The following SSH2 variants were observed in gnomAD, a reference collection of about 807,000 sequenced individuals.
The protein encoded by SSH2 is slingshot protein phosphatase 2.
In SSH2, 37 loss-of-function variants were observed where a neutral mutation model predicts 135.2. The observed-to-expected ratio is 0.27, with a 90% CI of 0.21 to 0.36. The LOEUF (loss-of-function observed/expected upper bound fraction) is 0.36, where lower values mean the gene tolerates loss of function less well. Among genes scored for constraint, SSH2 ranks in the 10% least tolerant of loss-of-function variants. SSH2 has a pLI of 1.00. For synonymous variants in SSH2, 628 were observed against 646.2 expected (o/e 0.97, Z 0.43); for missense variants, 1,408 against 1,765.3 (o/e 0.80, Z 3.63).
chr17:29,909,663 A>T (rs1248184347), intron 1 of SSH2, among the ~76,000 whole-genome samples: 1 of 152,222 alleles, frequency 6.6e-6, no homozygotes, highest in Non-Finnish European at 1.5e-5. Flanking sequence ...ATTCTTAGGA[A>T]TTCCCAAATA....
chr17:29,888,971 A>G (rs2066295274), intron 1 of SSH2, among the ~76,000 whole-genome samples: 2 of 150,984 alleles, frequency 1.3e-5, no homozygotes, highest in South Asian at 2.1e-4. Context: ...AAGAAAAGAA[A>G]AAAAGACTAC....
chr17:29,687,210 G>A (rs1247509338), intron 5 of SSH2, among the ~76,000 whole-genome samples: 5 of 152,072 alleles, frequency 3.3e-5, no homozygotes, highest in South Asian at 2.1e-4. Context: ...ATAGTTACAC[G>A]GCTCAAATGA....
chr17:29,875,435 T>C (rs1366905367), intron 1 of SSH2, among the ~76,000 whole-genome samples: 14 of 152,180 alleles, frequency 9.2e-5, no homozygotes. Context: ...TCACCTCTTA[T>C]CTGCAATTGC....
chr17:29,846,654 T>C (rs545075043), intron 2 of SSH2, among the ~76,000 whole-genome samples: 2 of 152,336 alleles, frequency 1.3e-5, no homozygotes, highest in South Asian at 4.1e-4. Flanking sequence ...CTGAATGAAA[T>C]GCAGTTGTGT....
intron 1 of SSH2, among the ~76,000 whole-genome samples, chr17:29,889,355 A>T (rs1359617718): frequency 6.6e-6 from 1 of 152,196 alleles, no homozygotes; most frequent in Non-Finnish European, 1.5e-5. Flanking sequence ...CTGAGGCAGA[A>T]GAATTGCTTG....
chr17:29,867,874 A>C (rs560582461), intron 1 of SSH2, among the ~76,000 whole-genome samples: 2 of 152,360 alleles, frequency 1.3e-5, no homozygotes, highest in East Asian at 3.9e-4. Context: ...ATTGATATCA[A>C]GGAAGGCTAG....
intron 4 of SSH2, among the ~76,000 whole-genome samples, chr17:29,696,585 C>T (rs1030705417): frequency 4.3e-5 from 6 of 139,394 alleles, no homozygotes; most frequent in East Asian, 2.3e-4. Flanking sequence ...GGCGACACAG[C>T]GAGACTCTGT....
rs2066220442 is a variant in SSH2, at chr17:29,885,479, C to T, written c.64-36550G>A. ...TTAGTTTTAAGGAAGTGTCTCTTGGCTGGCCCCTAGATAGCTTTAGGATGG... is the reference window on the plus strand; with the variant it reads ...TTAGTTTTAAGGAAGTGTCTCTTGGTTGGCCCCTAGATAGCTTTAGGATGG... On this transcript the variant is annotated intron_variant, in intron 1 of 15. Transcript: ENST00000540801. Among the ~76,000 whole-genome samples the T allele has an allele frequency of 2.6e-5, 4 of 151,980 alleles. No individual in the cohort carries two copies. In the South Asian group the frequency reaches 8.3e-4, roughly 32 times the overall value.
chr17:29,761,008 G>A (rs2041274597), intron 3 of SSH2: 2 of 834,638 alleles, frequency 2.4e-6, no homozygotes, highest in Non-Finnish European at 3.3e-6. Flanking sequence ...CTTCCCTCCA[G>A]ACGCACGGAG....
At chr17:29,732,990 G>A (rs1397399608) in intron 3 of SSH2, among the ~76,000 whole-genome samples, 1 of 152,120 alleles carries the variant, frequency 6.6e-6, no homozygotes, top group Non-Finnish European at 1.5e-5. Flanking sequence ...GGTCAACAGG[G>A]TAAAATGTTC....
rs1308669695 is a variant in SSH2 at position 29,885,726 on chromosome 17, T to C, written c.64-36797A>G. 3.3e-5 allele frequency among the ~76,000 whole-genome samples: 5 copies of C among 152,168 alleles called. No individual in the cohort carries two copies. The East Asian group carries it at 7.7e-4, about 23-fold the overall frequency. ...ATGGGAGGGAGCCAGTGGGAGGTAA[T>C]TGAATCATGGAGGCTGGTTTTTCCT... is the stretch of plus-strand genomic sequence containing the variant. On this transcript the variant is annotated intron_variant, in intron 1 of 15. Coordinates refer to ENST00000540801, the MANE Select transcript of SSH2 (RefSeq NM_001282129.2).
intron 3 of SSH2, among the ~76,000 whole-genome samples, chr17:29,725,976 T>C (rs1567919906): frequency 6.6e-6 from 1 of 151,874 alleles, no homozygotes. Flanking sequence ...GACAAATAAG[T>C]AAAATGTCAG....
chr17:29,740,786 A>T (rs942834816), intron 3 of SSH2, among the ~76,000 whole-genome samples: 1 of 152,236 alleles, frequency 6.6e-6, no homozygotes, highest in East Asian at 1.9e-4. Context: ...GAAAATCTCA[A>T]TATACTTAAC....
intron 2 of SSH2, among the ~76,000 whole-genome samples, chr17:29,805,214 G>A (rs1172462136): frequency 6.6e-6 from 1 of 151,762 alleles, no homozygotes; most frequent in Non-Finnish European, 1.5e-5. Context: ...GGAGAGCAGC[G>A]GCCTGATCTC....
In SSH2 at chr17:29,913,347, A is replaced by AAAAAAAAAAAAAAAATTATATAT; in HGVS notation, c.63+16590_63+16591insATATATAATTTTTTTTTTTTTTT. Among the ~76,000 whole-genome samples, 18 of 28,786 alleles carry AAAAAAAAAAAAAAAATTATATAT rather than the reference A, an allele frequency of 6.3e-4. 5 individuals carry two copies. Among genetic ancestry groups the AAAAAAAAAAAAAAAATTATATAT allele is most frequent in the Admixed American group, 1.5e-3 (2 of 1,362 alleles). The allele number at this position is 28,786 out of a possible 152,430, so 18.9% of individuals were successfully genotyped here. On this transcript the variant is annotated intron_variant, in intron 1 of 15. Coordinates refer to ENST00000540801, the MANE Select transcript of SSH2 (RefSeq NM_001282129.2). ...AAAAAAAAAAAAAAAAAAAAAAAAA[A>AAAAAAAAAAAAAAAATTATATAT]ATATATATATATATATATATATATA...
chr17:29,745,322 G>A (rs2040724080), intron 3 of SSH2, among the ~76,000 whole-genome samples: 2 of 152,050 alleles, frequency 1.3e-5, no homozygotes, highest in Admixed American at 1.3e-4. Flanking sequence ...ACCACACCCG[G>A]CTAATTTTTG....
chr17:29,761,042 G>C, intron 3 of SSH2: 1 of 1,158,374 alleles, frequency 8.6e-7, no homozygotes, highest in Non-Finnish European at 1.1e-6. Flanking sequence ...CAGGATGCGC[G>C]CTCGCCCTCG....
At chr17:29,701,568 C>T (rs2038984372) in intron 4 of SSH2, among the ~76,000 whole-genome samples, 1 of 151,712 alleles carries the variant, frequency 6.6e-6, no homozygotes, top group Non-Finnish European at 1.5e-5. Flanking sequence ...CACCACCACA[C>T]GTCACTAATT....
intron 6 of SSH2, among the ~76,000 whole-genome samples, chr17:29,679,612 G>A (rs2037882095): frequency 6.6e-6 from 1 of 152,004 alleles, no homozygotes; most frequent in African/African-American, 2.4e-5. Context: ...CTCCATATTG[G>A]TCAGGCTGGT....
Sources: gnomAD v4.1 joint callset for allele counts (sites outside exome capture counted in the v4.1 genomes callset) on GRCh38, gnomAD v4.1.1 for gene constraint, MANE v1.5 for transcripts, NCBI Gene and HGNC (gene_info 2026-07-23, HGNC 2026-07-21) for gene names.